The following CEP164 variants were observed in gnomAD, a reference collection of about 807,000 sequenced individuals.
CEP164 encodes centrosomal protein of 164 kDa.
CEP164 carries 162 observed loss-of-function variants against 182.7 expected under a neutral mutation model. The ratio of observed to expected loss-of-function variants is 0.89; its 90% confidence interval spans 0.78 to 1.01. CEP164 has a LOEUF of 1.01. Ranked by LOEUF, CEP164 falls within the 50% of genes least tolerant of loss-of-function variation. The pLI is 0.00. For missense variants in CEP164, 1,735 were observed against 1,790.4 expected (o/e 0.97, Z 0.56); for synonymous variants, 661 against 690.0 (o/e 0.96, Z 0.66).
At chr11:117,397,624 A>G (rs974442267) in intron 27 of CEP164, among the ~76,000 whole-genome samples, 1 of 152,228 alleles carries the variant, frequency 6.6e-6, no homozygotes, top group Non-Finnish European at 1.5e-5. Flanking sequence ...CCTCAGAATC[A>G]TGGCAGGAGG....
chr11:117,409,538 C>T lies in CEP164; in HGVS notation c.3749-80C>T, dbSNP rs1464671606. On this transcript the variant is annotated intron_variant, in intron 29 of 32. Coordinates refer to ENST00000278935, the MANE Select transcript of CEP164 (RefSeq NM_014956.5). This position sits in a 1 kb window ranked among gnomAD's most constrained non-coding sequence, Gnocchi z 4.4. ...AGCAGGGAGGGGTGGCCAGTAGGGTCCTCCATGACAGCTGTGTCTGGGAAT... is the reference window on the plus strand; with the variant it reads ...AGCAGGGAGGGGTGGCCAGTAGGGTTCTCCATGACAGCTGTGTCTGGGAAT... 1 of 1,303,910 alleles carries T rather than the reference C, an allele frequency of 7.7e-7. No homozygotes were observed. Among genetic ancestry groups the T allele is most frequent in the African/African-American group, 1.5e-5 (1 of 68,572 alleles). The allele number at this position is 1,303,910 out of a possible 1,614,324, so 80.8% of individuals were successfully genotyped here. A position where few individuals can be genotyped will look rare whatever the true frequency, so the allele number is the denominator to read the frequency against.
At chr11:117,329,213 C>A (rs2035807958) in intron 1 of CEP164, among the ~76,000 whole-genome samples, 1 of 152,032 alleles carries the variant, frequency 6.6e-6, no homozygotes, top group Admixed American at 6.6e-5. Context: ...CCTCCCACCT[C>A]AGTCTCCTTA....
Position 117,409,862 on chromosome 11 carries a change from C to G in CEP164, c.3993C>G (p.Ser1331=), listed in dbSNP as rs768029564. 8 of 1,613,716 alleles carry G rather than the reference C, an allele frequency of 5.0e-6. No individual in the cohort carries two copies. In the East Asian group the frequency reaches 1.8e-4, roughly 36 times the overall value. The change falls in exon 30 of 33, where the codon TCC becomes TCG. Residue 1331 remains serine (S), a synonymous_variant. Transcript: ENST00000278935. This position sits in a 1 kb window ranked among gnomAD's most constrained non-coding sequence, Gnocchi z 4.4. ...CCTTATCATCTGCTACACCCACGTC[C>G]ACCCAATGGGCCTGGGATTCAGGGC... is the stretch of plus-strand genomic sequence containing the variant. ...FSALSSATPT[S]TQWAWDSGQG... is the part of the protein sequence containing the mutation.
In CEP164 at chr11:117,410,548, G is replaced by T. The variant is rs61903747; in HGVS notation, c.4097-280G>T. The T allele has an allele frequency of 1.2e-4, 37 of 318,624 alleles. No individual in the cohort carries two copies. In the South Asian group the frequency reaches 1.8e-3, roughly 16 times the overall value. 19.7% of individuals were successfully genotyped at this position (318,624 alleles called of 1,614,324 possible). On this transcript the variant is annotated intron_variant, in intron 30 of 32. Coordinates refer to ENST00000278935, the MANE Select transcript of CEP164 (RefSeq NM_014956.5). ...TGGCTAATTCTTGCTTCTGAGCCAG[G>T]TGGCCTCCCCAGGTCTCAGCCCTGC... is the stretch of plus-strand genomic sequence containing the variant.
chr11:117,382,547 G>A (rs540242315), intron 13 of CEP164, among the ~76,000 whole-genome samples: 3 of 152,186 alleles, frequency 2.0e-5, no homozygotes, highest in African/African-American at 7.2e-5. Flanking sequence ...CTGAACACCT[G>A]CTGTGTACGG....
At chr11:117,408,494 T>G (rs139938014) in intron 28 of CEP164, 1 of 281,140 alleles carries the variant, frequency 3.6e-6, no homozygotes, top group African/African-American at 2.2e-5. Flanking sequence ...GGGGTCTGTG[T>G]GGACCTGATG....
intron 8 of CEP164, among the ~76,000 whole-genome samples, chr11:117,366,344 C>T (rs1470755671): frequency 1.3e-5 from 2 of 152,150 alleles, no homozygotes; most frequent in African/African-American, 4.8e-5. Context: ...TCTCACTGAG[C>T]AGTCACTTTG....
intron 9 of CEP164, among the ~76,000 whole-genome samples, chr11:117,371,771 C>T (rs1313133002): frequency 6.6e-6 from 1 of 151,458 alleles, no homozygotes; most frequent in Non-Finnish European, 1.5e-5. Context: ...TACATCCTCT[C>T]CTGCTTCCTA....
At chr11:117,355,476 G>A (rs1298960828) in intron 5 of CEP164, 2 of 1,289,572 alleles carry the variant, frequency 1.6e-6, no homozygotes, top group Non-Finnish European at 2.0e-6. Flanking sequence ...GAGCAGCACA[G>A]CCACAGCTTA....
chr11:117,410,407 G>C (rs1217454776), intron 30 of CEP164: 4 of 282,698 alleles, frequency 1.4e-5, no homozygotes, highest in Non-Finnish European at 2.7e-5. Flanking sequence ...TGAGGAAACT[G>C]AGTTTCAGAG....
chr11:117,393,805 G>T (rs1207037851), intron 20 of CEP164, among the ~76,000 whole-genome samples: 3 of 152,246 alleles, frequency 2.0e-5, no homozygotes, highest in Non-Finnish European at 2.9e-5. Context: ...AGCGACTTGA[G>T]TTTACCCAAG....
intron 14 of CEP164, chr11:117,386,924 T>G: frequency 2.5e-6 from 1 of 395,142 alleles, no homozygotes; most frequent in Non-Finnish European, 4.6e-6. Context: ...CAGCTTCAGA[T>G]TTTGATCTTG....
chr11:117,404,233 A>C (rs931738021), intron 27 of CEP164, among the ~76,000 whole-genome samples: 2 of 152,128 alleles, frequency 1.3e-5, no homozygotes, highest in African/African-American at 4.8e-5. Flanking sequence ...GAGAACAGAC[A>C]TTCTTGTTTT....
chr11:117,336,360 C>G (rs1232838519), intron 2 of CEP164: 9 of 1,432,324 alleles, frequency 6.3e-6, no homozygotes, highest in Non-Finnish European at 7.9e-6. Context: ...CCAAGAGATT[C>G]ACAGGAGGGA....
chr11:117,374,669 C>T (rs930399848), intron 10 of CEP164, among the ~76,000 whole-genome samples: 4 of 152,200 alleles, frequency 2.6e-5, no homozygotes, highest in Admixed American at 6.5e-5. Context: ...GGCAAAAAGT[C>T]GTTGTTGGCA....
chr11:117,336,679 G>T (rs150351661), intron 2 of CEP164: 1 of 845,424 alleles, frequency 1.2e-6, no homozygotes, highest in East Asian at 2.5e-5. Flanking sequence ...GGCTTGATGC[G>T]TTCTACCAGA....
At chr11:117,347,125 G>C (rs779553299) in intron 4 of CEP164, among the ~76,000 whole-genome samples, 1 of 152,042 alleles carries the variant, frequency 6.6e-6, no homozygotes, top group African/African-American at 2.4e-5. Context: ...ATACTTTCCC[G>C]TGTAGAGATG....
Position 117,392,609 on chromosome 11 carries a change from G to A in CEP164, c.2475G>A (p.Val825=), listed in dbSNP as rs2044810058. ...GAGTTCACCAGAAGTCTTATCACGT[G>A]GCTGGGTATGAGCACGAGGTGAGTG... is the stretch of plus-strand genomic sequence containing the variant. The part of the protein sequence containing the change: ...EHRVHQKSYH[V]AGYEHELSSL... The change falls in exon 19 of 33, where the codon GTG becomes GTA. Residue 825 remains valine, a synonymous_variant. Transcript: ENST00000278935. 1 of 1,614,098 alleles carries A rather than the reference G, an allele frequency of 6.2e-7. No individual in the cohort carries two copies. The highest frequency in any genetic ancestry group is 1.3e-5 in the African/African-American group (1 of 75,070).
At chr11:117,382,018 A>T in intron 13 of CEP164, 150 bp downstream of exon 13, 1 of 658,030 alleles carries the variant, frequency 1.5e-6, no homozygotes, top group Non-Finnish European at 2.5e-6. Context: ...CCTCAGCAGC[A>T]GCAGCAGCAG....
Sources: allele counts gnomAD v4.1 joint callset (sites outside exome capture counted in the v4.1 genomes callset), GRCh38; gene constraint gnomAD v4.1.1; non-coding constraint Gnocchi (gnomAD v3.1); transcripts MANE v1.5; gene names NCBI Gene and HGNC (gene_info 2026-07-23, HGNC 2026-07-21).